METTL25: variants seen among roughly 807,000 people sequenced by gnomAD.
METTL25 encodes probable methyltransferase-like protein 25.
Under a neutral mutation model 71.6 loss-of-function variants are expected in METTL25, and 64 were observed. That is an observed-to-expected ratio of 0.89 (90% CI 0.73 to 1.10). The LOEUF (loss-of-function observed/expected upper bound fraction) is 1.10, where lower values mean the gene tolerates loss of function less well. Among genes scored for constraint, METTL25 ranks in the 50% least tolerant of loss-of-function variants. The probability of loss-of-function intolerance (pLI) is 0.00; values close to 1 mark genes in which losing one functional copy is unlikely to be tolerated. For synonymous variants in METTL25, 287 were observed against 250.3 expected, an observed-to-expected ratio of 1.15 and a Z score of -1.38; for missense variants, 807 against 707.0, an observed-to-expected ratio of 1.14 and a Z score of -1.60.
chr12:82,463,971 A>C (rs1341963614), intron 9 of METTL25, among the ~76,000 whole-genome samples: 3 of 151,438 alleles, frequency 2.0e-5, no homozygotes, highest in African/African-American at 7.3e-5. Context: ...TTGTTTTGCT[A>C]TTGAGATATT....
At chr12:82,378,559 A>G (rs2136903557) in intron 1 of METTL25, among the ~76,000 whole-genome samples, 1 of 152,354 alleles carries the variant, frequency 6.6e-6, no homozygotes, top group Non-Finnish European at 1.5e-5. Context: ...GAATAAGAAT[A>G]GAAGATGAAA....
intron 9 of METTL25, among the ~76,000 whole-genome samples, chr12:82,465,794 T>C (rs1026203023): frequency 6.6e-6 from 1 of 152,022 alleles, no homozygotes; most frequent in Non-Finnish European, 1.5e-5. Context: ...TATTGGTCTA[T>C]TCAGGTTTTC....
At position 82,425,573 on chromosome 12, in the gene METTL25, A is replaced by G. The variant is rs918929011; in HGVS notation, c.1280-5320A>G. Among the ~76,000 whole-genome samples, 3 of 152,070 alleles carry G rather than the reference A, an allele frequency of 2.0e-5. No individual in the cohort carries two copies. In the South Asian group the frequency reaches 6.2e-4, roughly 32 times the overall value. Reference sequence around the variant, plus strand: ...TTTTTAACCCATTGTGTTTGTTCTCAGAGATTACGCTGTTGAGGGAAACAA... The same window carrying G: ...TTTTTAACCCATTGTGTTTGTTCTCGGAGATTACGCTGTTGAGGGAAACAA... On this transcript the variant is annotated intron_variant, in intron 5 of 11. Transcript: ENST00000248306.
intron 1 of METTL25, among the ~76,000 whole-genome samples, chr12:82,385,486 T>G (rs1371291643): frequency 2.0e-5 from 3 of 152,136 alleles, no homozygotes; most frequent in African/African-American, 7.2e-5. Flanking sequence ...CTTTAAGATG[T>G]GTGTTTTTTT....
chr12:82,478,305 T>C (rs555206328), intron 11 of METTL25, among the ~76,000 whole-genome samples: 2 of 151,934 alleles, frequency 1.3e-5, no homozygotes, highest in South Asian at 4.1e-4. Context: ...AATGAAATGA[T>C]AGAAATTATA....
chr12:82,412,832 C>T (rs1245847571), intron 5 of METTL25, among the ~76,000 whole-genome samples: 1 of 151,960 alleles, frequency 6.6e-6, no homozygotes, highest in Non-Finnish European at 1.5e-5. Flanking sequence ...TGGAATCTCA[C>T]AGGGATTTTC....
At chr12:82,374,811 GA>G (rs1592600791) in intron 1 of METTL25, among the ~76,000 whole-genome samples, 2 of 152,278 alleles carry the variant, frequency 1.3e-5, no homozygotes, top group African/African-American at 4.8e-5. Context: ...AATAATGTCA[GA>G]AAAAAATATT....
rs58264065 is a variant in METTL25 at position 82,394,125 on chromosome 12, A to G, written c.531+4203A>G. On this transcript the variant is annotated intron_variant, in intron 3 of 11. Transcript: ENST00000248306. The stretch of plus-strand genomic sequence containing the variant: ...TATTTTGTGTCCTAACATATGGTCT[A>G]TCCTTGGGAATGGTCCATGTGCTGA... Among the ~76,000 whole-genome samples, 325 of 152,120 alleles carry G rather than the reference A, an allele frequency of 2.1e-3. 4 individuals carry two copies. The highest frequency in any genetic ancestry group is 7.2e-3 in the African/African-American group (300 of 41,530).
chr12:82,416,477 T>C (rs1887996132), intron 5 of METTL25, among the ~76,000 whole-genome samples: 1 of 141,804 alleles, frequency 7.1e-6, no homozygotes, highest in Non-Finnish European at 1.5e-5. Context: ...AGGGTCTCAC[T>C]CTGTTGTCCA....
At chr12:82,385,840 G>C (rs968785243) in intron 1 of METTL25, among the ~76,000 whole-genome samples, 1 of 152,094 alleles carries the variant, frequency 6.6e-6, no homozygotes, top group African/African-American at 2.4e-5. Context: ...GGAATGTTCC[G>C]TCTTGACACA....
In METTL25 at chr12:82,394,635, AT is replaced by A. The variant is rs571821363; in HGVS notation, c.532-4155del. On this transcript the variant is annotated intron_variant, in intron 3 of 11. Coordinates refer to ENST00000248306, the MANE Select transcript of METTL25 (RefSeq NM_032230.3). ...TCAGTGAACAAAACAAACAAGAAAT[AT>A]TTTTGCCCTAGTGGCATTTATGTTC... Among the ~76,000 whole-genome samples the A allele has an allele frequency of 1.3e-4, 20 of 152,078 alleles. No homozygotes were observed. The East Asian group carries it at 3.5e-3, about 26-fold the overall frequency.
chr12:82,420,684 C>T (rs1038669204), intron 5 of METTL25, among the ~76,000 whole-genome samples: 6 of 151,860 alleles, frequency 4.0e-5, no homozygotes, highest in African/African-American at 1.2e-4. Context: ...TGTAAAAAGT[C>T]GAAACAGCAA....
At position 82,375,289 on chromosome 12, in the gene METTL25, G is replaced by A. The variant is rs966749334; in HGVS notation, c.260-11514G>A. Among the ~76,000 whole-genome samples the A allele has an allele frequency of 1.2e-4, 18 of 152,040 alleles. 1 individual carries two copies. Among genetic ancestry groups the A allele is most frequent in the Non-Finnish European group, 2.2e-4 (15 of 68,016 alleles). On this transcript the variant is annotated intron_variant, in intron 1 of 11. Coordinates refer to ENST00000248306, the MANE Select transcript of METTL25 (RefSeq NM_032230.3). ...GCACTCATGAATGAGATTAGTGCCCGTATAAAAGAGGTACAAGGAAGCTGA... is the reference window on the plus strand; with the variant it reads ...GCACTCATGAATGAGATTAGTGCCCATATAAAAGAGGTACAAGGAAGCTGA...
chr12:82,411,065 C>T (rs1487134725), intron 5 of METTL25, among the ~76,000 whole-genome samples: 1 of 151,932 alleles, frequency 6.6e-6, no homozygotes, highest in Non-Finnish European at 1.5e-5. Flanking sequence ...ACTAAAAATG[C>T]TGAATACAAT....
Position 82,436,102 on chromosome 12 carries a change from G to T in METTL25, c.1404+1378G>T, listed in dbSNP as rs140420289. Among the ~76,000 whole-genome samples, 562 of 151,430 alleles carry T rather than the reference G, an allele frequency of 3.7e-3. 3 individuals carry two copies. The highest frequency in any genetic ancestry group is 0.013 in the African/African-American group (537 of 41,426). ...AGAGCTTTTATCATAATACTCTAATGCATTCATGTGGTGTTTTTTTAATTT... is the reference window on the plus strand; with the variant it reads ...AGAGCTTTTATCATAATACTCTAATTCATTCATGTGGTGTTTTTTTAATTT... On this transcript the variant is annotated intron_variant, in intron 7 of 11. Coordinates refer to ENST00000248306, the MANE Select transcript of METTL25 (RefSeq NM_032230.3).
At position 82,398,857 on chromosome 12, in the gene METTL25, A is replaced by G. The variant is rs759499321; in HGVS notation, c.594A>G (p.Leu198=). Residue 198 remains leucine (L), a synonymous_variant, in exon 4 of 12, where the codon TTA becomes TTG. Coordinates refer to ENST00000248306, the MANE Select transcript of METTL25 (RefSeq NM_032230.3). ...CTTTTTTGTCCTTGAAGTATGGCTTAAAAGTTTATGGAATTGATTCTTCAA... is the reference window on the plus strand; with the variant it reads ...CTTTTTTGTCCTTGAAGTATGGCTTGAAAGTTTATGGAATTGATTCTTCAA... The part of the protein sequence containing the change: ...LSSFLSLKYG[L]KVYGIDSSNT... 1 of 1,598,502 alleles carries G rather than the reference A, an allele frequency of 6.3e-7. No homozygotes were observed. Among genetic ancestry groups the G allele is most frequent in the Admixed American group, 1.8e-5 (1 of 56,164 alleles).
At chr12:82,443,376 T>C (rs1253329099) in intron 8 of METTL25, among the ~76,000 whole-genome samples, 1 of 147,054 alleles carries the variant, frequency 6.8e-6, no homozygotes, top group African/African-American at 2.5e-5. Flanking sequence ...CAGTGGAAGC[T>C]AGAAGTCAGT....
intron 9 of METTL25, among the ~76,000 whole-genome samples, chr12:82,471,790 T>C (rs1892585237): frequency 6.6e-6 from 1 of 152,226 alleles, no homozygotes; most frequent in Non-Finnish European, 1.5e-5. Flanking sequence ...TTCATAATAA[T>C]AGCAGATCTA....
intron 8 of METTL25, among the ~76,000 whole-genome samples, chr12:82,440,306 G>A (rs1890222727): frequency 6.6e-6 from 1 of 151,842 alleles, no homozygotes; most frequent in Non-Finnish European, 1.5e-5. Context: ...TTTTTCAGAA[G>A]TCCACATCCA....
Sources: allele counts gnomAD v4.1 joint callset (sites outside exome capture counted in the v4.1 genomes callset), GRCh38; gene constraint gnomAD v4.1.1; transcripts MANE v1.5; gene names NCBI Gene and HGNC (gene_info 2026-07-23, HGNC 2026-07-21).